SGCD: variants seen among roughly 807,000 people sequenced by gnomAD.
SGCD encodes the protein sarcoglycan delta.
In SGCD, 18 loss-of-function variants were observed where a neutral mutation model predicts 36.6. That is an observed-to-expected ratio of 0.49 (90% CI 0.34 to 0.73). The LOEUF is 0.73. Ranked by LOEUF, SGCD falls within the 30% of genes least tolerant of loss-of-function variation. The pLI is 0.01. For missense variants in SGCD, 387 were observed against 346.7 expected (o/e 1.12, Z -0.92); for synonymous variants, 133 against 130.6 (o/e 1.02, Z -0.12).
intron 3 of SGCD, among the ~76,000 whole-genome samples, chr5:156,177,547 C>CTGTT (rs566835312): frequency 2.0e-5 from 3 of 152,156 alleles, no homozygotes; most frequent in African/African-American, 7.2e-5. Context: ...ATCTCGGGAG[C>CTGTT]TGTTTGTTTG....
At chr5:156,606,484 C>T (rs1440315422) in intron 6 of SGCD, among the ~76,000 whole-genome samples, 1 of 152,174 alleles carries the variant, frequency 6.6e-6, no homozygotes, top group Non-Finnish European at 1.5e-5. Context: ...TAGCATGATG[C>T]CTCCAGCTTT....
At position 156,222,794 on chromosome 5, in the gene SGCD, G is replaced by T. The variant is rs560698337; in HGVS notation, c.-44+98775G>T. Among the ~76,000 whole-genome samples, 38 of 151,972 alleles carry T rather than the reference G, an allele frequency of 2.5e-4. 1 individual carries two copies. Among genetic ancestry groups the T allele is most frequent in the Non-Finnish European group, 5.0e-4 (34 of 67,966 alleles). On this transcript the variant is annotated intron_variant, in intron 3 of 9. Transcript: ENST00000517913. ...TTTACTTTAAAAGATGCAATTAAAA[G>T]GTAGCTCATATGATTTCACTAGAAA...
intron 1 of SGCD, among the ~76,000 whole-genome samples, chr5:156,086,823 T>G (rs1761107900): frequency 6.6e-6 from 1 of 152,230 alleles, no homozygotes; most frequent in African/African-American, 2.4e-5. Flanking sequence ...AAAGAAAAGA[T>G]ATTTAAAAAT....
chr5:155,824,026 G>T, the SGCD span, among the ~76,000 whole-genome samples: 1 of 152,200 alleles, frequency 6.6e-6, no homozygotes, highest in Non-Finnish European at 1.5e-5. Flanking sequence ...CAAGGCTTAA[G>T]CTGCTATAGA....
At chr5:156,191,021 A>G (rs573405089) in intron 3 of SGCD, among the ~76,000 whole-genome samples, 146 of 152,278 alleles carry the variant, frequency 9.6e-4, no homozygotes, top group African/African-American at 3.4e-3. Context: ...AAACATGTCA[A>G]AAGGGGAATT....
intron 3 of SGCD, among the ~76,000 whole-genome samples, chr5:156,186,860 C>T (rs1422073416): frequency 6.6e-6 from 1 of 152,170 alleles, no homozygotes; most frequent in Non-Finnish European, 1.5e-5. Flanking sequence ...GGGAGTCAGC[C>T]AGATAGCTCT....
At chr5:156,007,150 AGGGTT>A (rs1758774672) in intron 1 of SGCD, among the ~76,000 whole-genome samples, 1 of 152,142 alleles carries the variant, frequency 6.6e-6, no homozygotes, top group South Asian at 2.1e-4. Flanking sequence ...CCTTCGGTAA[AGGGTT>A]GACCCCTGGC....
chr5:156,569,916 A>G (rs1175642201), intron 4 of SGCD, among the ~76,000 whole-genome samples: 1 of 152,196 alleles, frequency 6.6e-6, no homozygotes, highest in Non-Finnish European at 1.5e-5. Context: ...AGGAGGTAGT[A>G]GCAGACCGGA....
the SGCD span, among the ~76,000 whole-genome samples, chr5:155,836,227 T>A: frequency 6.6e-6 from 1 of 152,090 alleles, no homozygotes; most frequent in African/African-American, 2.4e-5. Context: ...ACCATTGAAT[T>A]TGCTAGGATG....
chr5:156,446,234 A>G (rs1753751586), intron 3 of SGCD, among the ~76,000 whole-genome samples: 1 of 152,190 alleles, frequency 6.6e-6, no homozygotes, highest in African/African-American at 2.4e-5. Context: ...TGGGCAGCAA[A>G]GATAAGTGTC....
chr5:156,376,250 C>CCCAAACATAGAGTG (rs1464510304), intron 3 of SGCD, among the ~76,000 whole-genome samples: 1 of 152,164 alleles, frequency 6.6e-6, no homozygotes, highest in Non-Finnish European at 1.5e-5. Flanking sequence ...AACATCCACA[C>CCCAAACATAGAGTG]AGCAAACATA....
the SGCD span, among the ~76,000 whole-genome samples, chr5:155,807,655 C>T: frequency 6.6e-6 from 1 of 152,170 alleles, no homozygotes; most frequent in Non-Finnish European, 1.5e-5. Flanking sequence ...TGAAATATTT[C>T]CTGGTCATTT....
At chr5:156,030,925 T>A (rs1431226837) in intron 1 of SGCD, among the ~76,000 whole-genome samples, 1 of 152,210 alleles carries the variant, frequency 6.6e-6, no homozygotes, top group Non-Finnish European at 1.5e-5. Context: ...CTAGGGCATG[T>A]TTTTGAGTGA....
intron 1 of SGCD, among the ~76,000 whole-genome samples, chr5:155,909,278 T>C (rs10079206): frequency 7.9e-5 from 12 of 152,160 alleles, no homozygotes; most frequent in Admixed American, 7.9e-4. Context: ...TTTATTCTAA[T>C]AGACCTTAAA....
chr5:155,804,742 C>T, the SGCD span, among the ~76,000 whole-genome samples: 38 of 152,308 alleles, frequency 2.5e-4, no homozygotes, highest in African/African-American at 8.4e-4. Context: ...GAGGAATTTT[C>T]GGAAAGTATC....
At chr5:156,112,960 A>C (rs1463567403) in intron 1 of SGCD, among the ~76,000 whole-genome samples, 1 of 152,230 alleles carries the variant, frequency 6.6e-6, no homozygotes, top group East Asian at 1.9e-4. Flanking sequence ...ATGTGATTTC[A>C]ATGAAGGCTT....
chr5:155,879,184 A>G (rs1234375288), intron 1 of SGCD, among the ~76,000 whole-genome samples: 1 of 152,118 alleles, frequency 6.6e-6, no homozygotes, highest in Non-Finnish European at 1.5e-5. Flanking sequence ...AAACCTATGA[A>G]CTTTTCATTC....
chr5:155,869,796 C>T (rs182910045), upstream of SGCD, among the ~76,000 whole-genome samples: 294 of 152,112 alleles, frequency 1.9e-3, 1 homozygote, highest in Admixed American at 5.7e-3. Flanking sequence ...GTCAAGAGAT[C>T]GAGACCAGCC....
At chr5:156,671,507 C>T (rs1753293166) in intron 7 of SGCD, among the ~76,000 whole-genome samples, 2 of 152,088 alleles carry the variant, frequency 1.3e-5, no homozygotes, top group African/African-American at 4.8e-5. Flanking sequence ...CTCTGGACCT[C>T]AGGTGATCCA....
Sources: gnomAD v4.1 joint callset for allele counts (sites outside exome capture counted in the v4.1 genomes callset) on GRCh38, gnomAD v4.1.1 for gene constraint, MANE v1.5 for transcripts, NCBI Gene and HGNC (gene_info 2026-07-23, HGNC 2026-07-21) for gene names.